Variants in SH3BGRL2 observed in about 807,000 individuals in gnomAD.
The protein encoded by SH3BGRL2 is SH3 domain-binding glutamic acid-rich-like protein 2.
In SH3BGRL2, 21 loss-of-function variants were observed where a neutral mutation model predicts 14.8. The ratio of observed to expected loss-of-function variants is 1.42; its 90% CI spans 1.01 to 2.05. SH3BGRL2 has a LOEUF of 2.05. SH3BGRL2 is among the 30% of genes most tolerant of loss of function. The pLI is 0.00. For missense variants in SH3BGRL2, 147 were observed against 130.8 expected, an observed-to-expected ratio of 1.12 and a Z score of -0.61; for synonymous variants, 50 against 47.8, an observed-to-expected ratio of 1.05 and a Z score of -0.19.
At chr6:79,606,050 C>A in the SH3BGRL2 span, among the ~76,000 whole-genome samples, 1 of 152,046 alleles carries the variant, frequency 6.6e-6, no homozygotes, top group Non-Finnish European at 1.5e-5. Context: ...GTCATCTAAA[C>A]GTGGCTCTGC....
intron 1 of SH3BGRL2, among the ~76,000 whole-genome samples, chr6:79,645,077 T>C (rs1293827553): frequency 2.0e-5 from 3 of 150,908 alleles, no homozygotes; most frequent in Admixed American, 6.6e-5. Context: ...GGAGAATTGC[T>C]TGAACCCAGG....
chr6:79,645,706 G>A (rs1023543991), intron 1 of SH3BGRL2, among the ~76,000 whole-genome samples: 1 of 152,168 alleles, frequency 6.6e-6, no homozygotes, highest in African/African-American at 2.4e-5. Flanking sequence ...GTGTGTGTGT[G>A]TTAAAGGAAG....
chr6:79,688,165 G>A (rs1167812368), intron 2 of SH3BGRL2, among the ~76,000 whole-genome samples: 1 of 150,202 alleles, frequency 6.7e-6, no homozygotes, highest in Non-Finnish European at 1.5e-5. Context: ...GTTTTCACTT[G>A]AACATAAACA....
chr6:79,586,196 C>CA, the SH3BGRL2 span, among the ~76,000 whole-genome samples: 737 of 50,734 alleles, frequency 0.015, 9 homozygotes, highest in African/African-American at 0.047. Flanking sequence ...AACTCTGTCT[C>CA]AAAAAAAAAA....
In SH3BGRL2 at chr6:79,663,843, G is replaced by A. The variant is rs1562151434; in HGVS notation, c.46-9771G>A. Among the ~76,000 whole-genome samples, 4 of 152,320 alleles carry A rather than the reference G, an allele frequency of 2.6e-5. No individual in the cohort carries two copies. The East Asian group carries it at 5.8e-4, about 22-fold the overall frequency. ...TCCACCCAGTTTGAGCTTCCTGGTG[G>A]CTTTGTTTACCTACTCAAGCCTCCC... On this transcript the variant is annotated intron_variant, in intron 1 of 3. Transcript: ENST00000369838.
At chr6:79,631,064 G>A (rs1768812130), upstream of SH3BGRL2, among the ~76,000 whole-genome samples, 1 of 152,168 alleles carries the variant, frequency 6.6e-6, no homozygotes, top group Non-Finnish European at 1.5e-5. Flanking sequence ...TGCCTAGTTT[G>A]CTTTTTCCTC....
At chr6:79,587,278 A>T in the SH3BGRL2 span, among the ~76,000 whole-genome samples, 1 of 152,208 alleles carries the variant, frequency 6.6e-6, no homozygotes, top group Non-Finnish European at 1.5e-5. Flanking sequence ...AGAAAAAAAG[A>T]TAATGCAGAA....
chr6:79,674,570 A>C (rs1047755291), intron 2 of SH3BGRL2, among the ~76,000 whole-genome samples: 10 of 152,344 alleles, frequency 6.6e-5, no homozygotes, highest in Middle Eastern at 3.4e-3. Flanking sequence ...CGGTCTAAAG[A>C]AGAAGGAGCC....
intron 2 of SH3BGRL2, among the ~76,000 whole-genome samples, chr6:79,676,605 A>ATGTG (rs58234438): frequency 0.06 from 8,322 of 139,500 alleles, 522 homozygotes; most frequent in East Asian, 0.36. Flanking sequence ...GTCTTTATGT[A>ATGTG]TGTGTGTGTG....
At chr6:79,625,721 G>T in the SH3BGRL2 span, among the ~76,000 whole-genome samples, 2 of 152,118 alleles carry the variant, frequency 1.3e-5, no homozygotes, top group Non-Finnish European at 2.9e-5. Context: ...CTAACTATGT[G>T]CCAGGCATGG....
At chr6:79,614,381 A>AG in the SH3BGRL2 span, among the ~76,000 whole-genome samples, 2 of 152,226 alleles carry the variant, frequency 1.3e-5, no homozygotes, top group East Asian at 3.9e-4. Context: ...GGACACGAGA[A>AG]GGAGAGCAAG....
chr6:79,607,546 C>G, the SH3BGRL2 span, among the ~76,000 whole-genome samples: 3 of 152,180 alleles, frequency 2.0e-5, no homozygotes, highest in African/African-American at 4.8e-5. Context: ...CCCTTCCGTG[C>G]TGCCCCATCC....
At chr6:79,607,933 G>A in the SH3BGRL2 span, among the ~76,000 whole-genome samples, 42 of 152,192 alleles carry the variant, frequency 2.8e-4, no homozygotes, top group Non-Finnish European at 5.1e-4. Flanking sequence ...AAGACAGAGC[G>A]AGACTCCATC....
chr6:79,667,598 C>T (rs1769685850), intron 1 of SH3BGRL2, among the ~76,000 whole-genome samples: 2 of 151,986 alleles, frequency 1.3e-5, no homozygotes, highest in African/African-American at 2.4e-5. Context: ...AGGTACATGC[C>T]ATGACAGCCA....
the SH3BGRL2 span, among the ~76,000 whole-genome samples, chr6:79,608,715 C>A: frequency 1.7e-4 from 26 of 152,248 alleles, 1 homozygote; most frequent in South Asian, 5.4e-3. Flanking sequence ...AGACTTCAAC[C>A]CAGGAAGCTG....
chr6:79,587,138 TTAAAG>T, the SH3BGRL2 span, among the ~76,000 whole-genome samples: 3 of 152,224 alleles, frequency 2.0e-5, no homozygotes, highest in Non-Finnish European at 2.9e-5. Context: ...TGTATTATGA[TTAAAG>T]TAATCTCTTC....
intron 1 of SH3BGRL2, among the ~76,000 whole-genome samples, chr6:79,657,347 T>C (rs1005468962): frequency 1.3e-5 from 2 of 152,018 alleles, no homozygotes; most frequent in Non-Finnish European, 2.9e-5. Context: ...AGGTAAGATA[T>C]AAGCAATAGT....
the SH3BGRL2 span, among the ~76,000 whole-genome samples, chr6:79,538,041 T>TTTTTTG: frequency 7.1e-6 from 1 of 140,864 alleles, no homozygotes; most frequent in South Asian, 2.3e-4. Context: ...TTTTTTTTTT[T>TTTTTTG]TTTTTTTTTT....
chr6:79,659,217 C>A (rs943601154), intron 1 of SH3BGRL2, among the ~76,000 whole-genome samples: 1 of 152,084 alleles, frequency 6.6e-6, no homozygotes, highest in Non-Finnish European at 1.5e-5. Flanking sequence ...CTTGCCCATA[C>A]CTATGTCCTG....
Sources: allele counts gnomAD v4.1 joint callset (sites outside exome capture counted in the v4.1 genomes callset), GRCh38; gene constraint gnomAD v4.1.1; transcripts MANE v1.5; gene names NCBI Gene and HGNC (gene_info 2026-07-23, HGNC 2026-07-21).